Variants in CACNA1H observed in about 807,000 individuals in gnomAD.
CACNA1H encodes calcium voltage-gated channel subunit alpha1 H, also known as voltage-dependent T-type calcium channel subunit alpha-1H.
In CACNA1H, 149 loss-of-function variants were observed where a neutral mutation model predicts 192.5. The ratio of observed to expected loss-of-function variants is 0.77; its 90% CI spans 0.68 to 0.89. CACNA1H has a LOEUF of 0.89. Among genes scored for constraint, CACNA1H ranks in the 40% least tolerant of loss-of-function variants. CACNA1H has a pLI of 0.00. For missense variants in CACNA1H, 4,257 were observed against 3,423.5 expected (o/e 1.24, Z -6.08); for synonymous variants, 2,202 against 1,475.2 (o/e 1.49, Z -11.29).
Position 1,204,087 on chromosome 16 carries a change from A to T in CACNA1H, c.2080A>T (p.Thr694Ser). 6.2e-6 allele frequency: 10 copies of T among 1,608,958 alleles called. No individual in the cohort carries two copies. Among genetic ancestry groups the T allele is most frequent in the Non-Finnish European group, 8.5e-6 (10 of 1,178,380 alleles). Residue 694 changes from threonine (T) to serine (S), a missense_variant, in exon 10 of 35, where the codon ACC (threonine) becomes TCC (serine). Thr to Ser is a moderately conservative substitution (Grantham distance 58). Coordinates refer to ENST00000348261, the MANE Select transcript of CACNA1H (RefSeq NM_021098.3). ...PLPSPPAGTLTCELKSCPYCT... is the reference protein window; with the variant it reads ...PLPSPPAGTLSCELKSCPYCT... ...GCCCAGCCCCCCAGCGGGCACACTG[A>T]CCTGTGAGCTGAAGAGCTGCCCGTA...
rs779986751 is a variant in CACNA1H, at chr16:1,211,541, G to T, written c.4411G>T (p.Ala1471Ser). 1.2e-6 allele frequency: 2 copies of T among 1,612,442 alleles called. No homozygotes were observed. Among genetic ancestry groups the T allele is most frequent in the South Asian group, 2.2e-5 (2 of 91,082 alleles). Residue 1471 changes from alanine (A) to serine (S), a missense_variant, in exon 23 of 35, where the codon GCA (alanine) becomes TCA (serine). By Grantham distance (99) the Ala-to-Ser change is moderately conservative (BLOSUM62 1). Coordinates refer to ENST00000348261, the MANE Select transcript of CACNA1H (RefSeq NM_021098.3). ...CGACACCAGGAACATCTCCACCAAG[G>T]CACAGTGCCGGGCCGCCCACTACCG... ...GPDTRNISTKAQCRAAHYRWV... is the reference protein window; with the variant it reads ...GPDTRNISTKSQCRAAHYRWV...
At chr16:1,206,642 A>G in intron 12 of CACNA1H, 1 of 417,724 alleles carries the variant, frequency 2.4e-6, no homozygotes, top group African/African-American at 2.0e-5. Flanking sequence ...GCTCAGGGTC[A>G]GGGTCGGCTG....
chr16:1,172,876 G>C (rs1157355613), intron 2 of CACNA1H, among the ~76,000 whole-genome samples: 2 of 152,094 alleles, frequency 1.3e-5, no homozygotes, highest in East Asian at 3.9e-4. Context: ...CTGTGATCAG[G>C]GCCAGGACAG....
rs571589190 is a variant in CACNA1H, at chr16:1,211,371, G to A, written c.4350+77G>A. On this transcript the variant is annotated intron_variant, in intron 22 of 34. Coordinates refer to ENST00000348261, the MANE Select transcript of CACNA1H (RefSeq NM_021098.3). The stretch of plus-strand genomic sequence containing the variant: ...CCTTCCCAGCGTGGCTCCCAGCAGC[G>A]CCGCTGCGGGACGGGGAGGGACAGC... 9.2e-5 allele frequency: 148 copies of A among 1,606,826 alleles called. No individual in the cohort carries two copies. The African/African-American group carries it at 1.3e-3, about 14-fold the overall frequency.
At position 1,198,654 on chromosome 16, in the gene CACNA1H, C is replaced by T; in HGVS notation, c.683C>T (p.Pro228Leu). The T allele has an allele frequency of 6.2e-7, 1 of 1,613,430 alleles. No homozygotes were observed. Among genetic ancestry groups the T allele is most frequent in the Non-Finnish European group, 8.5e-7 (1 of 1,179,640 alleles). The change falls in exon 6 of 35, where the codon CCC (proline) becomes CTC (leucine). Residue 228 changes from proline (P) to leucine (L), a missense_variant. Coordinates refer to ENST00000348261, the MANE Select transcript of CACNA1H (RefSeq NM_021098.3). ...GTCACTCTGCTGCTGGATACGCTGC[C>T]CATGCTCGGGAACGTCCTTCTGCTG... ...ILVTLLLDTL[P>L]MLGNVLLLCF...
At position 1,195,548 on chromosome 16, in the gene CACNA1H, C is replaced by T. The variant is rs763776082; in HGVS notation, c.528C>T (p.Phe176=). The T allele has an allele frequency of 5.6e-6, 9 of 1,604,890 alleles. No homozygotes were observed. The highest frequency in any genetic ancestry group is 5.3e-5 in the African/African-American group (4 of 74,790). ...GTGACACGTGGAACAGGCTGGATTT[C>T]TTCATCGTCGTGGCGGGGTAGGCCC... The part of the protein sequence containing the change: ...YLGDTWNRLD[F]FIVVAGMMEY... Residue 176 remains phenylalanine (F), a synonymous_variant, in exon 4 of 35, where the codon TTC becomes TTT. Transcript: ENST00000348261.
Position 1,173,528 on chromosome 16 carries a change from A to G in CACNA1H, c.299+19492A>G, listed in dbSNP as rs1479427359. On this transcript the variant is annotated intron_variant, in intron 2 of 34. Transcript: ENST00000348261. ...AAAAATTGTTTACTAACTTAACCAC[A>G]ATAATAAGCCCTTTGTGTGTTAACA... Among the ~76,000 whole-genome samples the G allele has an allele frequency of 1.3e-5, 2 of 152,274 alleles. 1 individual carries two copies. Among genetic ancestry groups the G allele is most frequent in the Non-Finnish European group, 2.9e-5 (2 of 68,044 alleles).
At position 1,154,054 on chromosome 16, in the gene CACNA1H, C is replaced by A. The variant is rs1455861916; in HGVS notation, c.299+18C>A. The A allele has an allele frequency of 9.4e-6, 1 of 106,620 alleles. No homozygotes were observed. Among genetic ancestry groups the A allele is most frequent in the Non-Finnish European group, 1.1e-5 (1 of 88,222 alleles). 6.6% of individuals were successfully genotyped at this position (106,620 alleles called of 1,614,324 possible). A position where few individuals can be genotyped will look rare whatever the true frequency, so the allele number is the denominator to read the frequency against. On this transcript the variant is annotated intron_variant, in intron 2 of 34. Coordinates refer to ENST00000348261, the MANE Select transcript of CACNA1H (RefSeq NM_021098.3). ...TGCAACCCATATCCTTCCCGGCCGG[C>A]GGGGGGCGGGGGGCGGGGGGCGTGG...
intron 2 of CACNA1H, among the ~76,000 whole-genome samples, chr16:1,177,335 C>T (rs888352956): frequency 1.3e-5 from 2 of 152,176 alleles, no homozygotes. Context: ...CTGCAGCCGC[C>T]GGCACCCTCG....
intron 2 of CACNA1H, among the ~76,000 whole-genome samples, chr16:1,185,017 A>G (rs1329600720): frequency 6.6e-6 from 1 of 152,192 alleles, no homozygotes; most frequent in Non-Finnish European, 1.5e-5. Flanking sequence ...CTCCAGAAGG[A>G]AACCGCATCC....
intron 2 of CACNA1H, among the ~76,000 whole-genome samples, chr16:1,194,577 C>T (rs992680502): frequency 2.6e-5 from 4 of 152,214 alleles, no homozygotes; most frequent in South Asian, 2.1e-4. Flanking sequence ...GCCCTGCCTA[C>T]AGCCCCCCAG....
At chr16:1,173,425 G>A (rs1461584896) in intron 2 of CACNA1H, among the ~76,000 whole-genome samples, 3 of 152,218 alleles carry the variant, frequency 2.0e-5, no homozygotes, top group South Asian at 2.1e-4. Flanking sequence ...TGGTGCGGAC[G>A]GACGAAGCCC....
rs1035645296 is a variant in CACNA1H, at chr16:1,212,421, C to G, written c.4760-90C>G. ...CTCCACGAGGAGCCAGCACAGCCCCCGAGACACGGGGGCTGAGGGAGAGCA... is the reference window on the plus strand; with the variant it reads ...CTCCACGAGGAGCCAGCACAGCCCCGGAGACACGGGGGCTGAGGGAGAGCA... On this transcript the variant is annotated intron_variant, in intron 25 of 34. Transcript: ENST00000348261. 8.0e-6 allele frequency: 11 copies of G among 1,370,066 alleles called. No homozygotes were observed. In the East Asian group the frequency reaches 1.5e-4, roughly 19 times the overall value. 84.9% of individuals were successfully genotyped at this position (1,370,066 alleles called of 1,614,324 possible).
At chr16:1,209,508 G>T in intron 17 of CACNA1H, 96 bp downstream of exon 17, 1 of 1,450,396 alleles carries the variant, frequency 6.9e-7, no homozygotes, top group South Asian at 1.2e-5. Flanking sequence ...AGGGCGTGTT[G>T]TTGACTGAGG....
At chr16:1,215,477 A>C (rs753558592) in intron 29 of CACNA1H, 46 bp from the exon 30 acceptor site, 2 of 1,598,608 alleles carry the variant, frequency 1.3e-6, no homozygotes. Flanking sequence ...CCCGCGCAGC[A>C]GGGAGGGTCC....
rs542385010 is a variant in CACNA1H, at chr16:1,173,190, C to T, written c.299+19154C>T. Reference sequence around the variant, plus strand: ...CGCGAGGTGGAGGTGTCCAAAAGGCCGAGGCTGGAAGGGGGCAGTAGATGG... The same window carrying T: ...CGCGAGGTGGAGGTGTCCAAAAGGCTGAGGCTGGAAGGGGGCAGTAGATGG... On this transcript the variant is annotated intron_variant, in intron 2 of 34. Transcript: ENST00000348261. 2.5e-4 allele frequency among the ~76,000 whole-genome samples: 38 copies of T among 152,090 alleles called. No individual in the cohort carries two copies. The East Asian group carries it at 3.1e-3, about 12-fold the overall frequency.
At chr16:1,215,145 G>T (rs1010724476) in intron 28 of CACNA1H, 64 bp downstream of exon 28, 2 of 1,583,376 alleles carry the variant, frequency 1.3e-6, no homozygotes, top group African/African-American at 2.7e-5. Flanking sequence ...CTGGGGGCAG[G>T]TGAGGCCGCA....
intron 2 of CACNA1H, among the ~76,000 whole-genome samples, chr16:1,166,965 AAC>A (rs1310059616): frequency 6.6e-5 from 10 of 152,174 alleles, no homozygotes; most frequent in Non-Finnish European, 1.3e-4. Context: ...GTCAGGCGGA[AAC>A]AGTGTTGAGT....
At chr16:1,218,770 G>T in intron 33 of CACNA1H, 119 bp downstream of exon 33, 1 of 1,187,672 alleles carries the variant, frequency 8.4e-7, no homozygotes, top group Non-Finnish European at 1.2e-6. Context: ...GGATGGGCGG[G>T]AAGGAGGATG....
Sources: allele counts gnomAD v4.1 joint callset (sites outside exome capture counted in the v4.1 genomes callset), GRCh38; gene constraint gnomAD v4.1.1; transcripts MANE v1.5; gene names NCBI Gene and HGNC (gene_info 2026-07-23, HGNC 2026-07-21).